CNTN4: variants seen among roughly 807,000 people sequenced by gnomAD.
CNTN4 encodes contactin 4.
A neutral mutation model predicts 122.5 loss-of-function variants in CNTN4; 77 were observed. The ratio of observed to expected loss-of-function variants is 0.63; its 90% confidence interval spans 0.52 to 0.76. The LOEUF (loss-of-function observed/expected upper bound fraction) is 0.76. CNTN4 is among the 30% of genes least tolerant of loss of function. CNTN4 has a pLI of 0.00. For synonymous variants in CNTN4, 512 were observed against 447.0 expected, an observed-to-expected ratio of 1.15 and a Z score of -1.83; for missense variants, 1,256 against 1,259.1, an observed-to-expected ratio of 1.00 and a Z score of 0.04.
At chr3:2,370,803 A>AAT (rs2045602627) in intron 3 of CNTN4, among the ~76,000 whole-genome samples, 1 of 152,160 alleles carries the variant, frequency 6.6e-6, no homozygotes, top group Non-Finnish European at 1.5e-5. Context: ...CCAGAAGGTG[A>AAT]ATATATACCA....
At chr3:2,576,995 G>A (rs545208442) in intron 4 of CNTN4, among the ~76,000 whole-genome samples, 1 of 152,256 alleles carries the variant, frequency 6.6e-6, no homozygotes, top group African/African-American at 2.4e-5. Flanking sequence ...CAGCTAAGAG[G>A]GCATGAGAAT....
chr3:2,162,211 C>G (rs1158934324), intron 2 of CNTN4, among the ~76,000 whole-genome samples: 1 of 152,132 alleles, frequency 6.6e-6, no homozygotes, highest in Non-Finnish European at 1.5e-5. Flanking sequence ...ACTTGAATTA[C>G]TCATTTTTGT....
rs17017768 is a variant in CNTN4, at chr3:2,637,518, T to C, written c.55+65960T>C. 8.8e-3 allele frequency among the ~76,000 whole-genome samples: 1,346 copies of C among 152,226 alleles called. 24 individuals are homozygous for C. Among genetic ancestry groups the C allele is most frequent in the African/African-American group, 0.031 (1,295 of 41,534 alleles). On this transcript the variant is annotated intron_variant, in intron 4 of 24. Transcript: ENST00000418658. ...AACCAGCAGAGTACACACACTTCAG[T>C]TGCTGTTCTTCAGGTTGTGCAATAC...
intron 17 of CNTN4, among the ~76,000 whole-genome samples, chr3:3,035,549 C>G (rs985791012): frequency 6.6e-6 from 1 of 151,992 alleles, no homozygotes; most frequent in Non-Finnish European, 1.5e-5. Context: ...TTATAGGGAG[C>G]CTCTTCACTT....
chr3:2,655,502 C>G (rs2083547197), intron 4 of CNTN4, among the ~76,000 whole-genome samples: 1 of 152,124 alleles, frequency 6.6e-6, no homozygotes, highest in Admixed American at 6.6e-5. Flanking sequence ...AGCATTATCT[C>G]TCATTCATCT....
rs572740693 is a variant in CNTN4 at position 2,429,639 on chromosome 3, G to C, written c.-89+90406G>C. The stretch of plus-strand genomic sequence containing the variant: ...GACAGGGACGTTTAAGTCTGCAGTA[G>C]TTTCTGCTGCCTTTTGTTCAGCTGT... On this transcript the variant is annotated intron_variant, in intron 3 of 24. Transcript: ENST00000418658. Among the ~76,000 whole-genome samples the C allele has an allele frequency of 4.6e-5, 7 of 152,310 alleles. No homozygotes were observed. In the South Asian group the frequency reaches 1.2e-3, roughly 27 times the overall value.
intron 4 of CNTN4, among the ~76,000 whole-genome samples, chr3:2,662,570 A>G (rs1323654313): frequency 6.6e-6 from 1 of 152,174 alleles, no homozygotes; most frequent in Non-Finnish European, 1.5e-5. Flanking sequence ...AGAGGCTAGG[A>G]AATGTGGGCT....
chr3:2,281,626 C>T (rs1006663102), intron 2 of CNTN4, among the ~76,000 whole-genome samples: 1 of 152,056 alleles, frequency 6.6e-6, no homozygotes, highest in Non-Finnish European at 1.5e-5. Flanking sequence ...TTTTACTTTT[C>T]CCAATTCTTG....
In CNTN4 at chr3:2,875,128, A is replaced by T. The variant is rs183047753; in HGVS notation, c.653-8017A>T. On this transcript the variant is annotated intron_variant, in intron 8 of 24. Transcript: ENST00000418658. ...CTCCCGAGTAGCTGGGATTACAGGCATGTACCACCATACCCAGCTAATTTT... is the reference window on the plus strand; with the variant it reads ...CTCCCGAGTAGCTGGGATTACAGGCTTGTACCACCATACCCAGCTAATTTT... Among the ~76,000 whole-genome samples, 594 of 152,136 alleles carry T rather than the reference A, an allele frequency of 3.9e-3. 7 individuals are homozygous for T. The highest frequency in any genetic ancestry group is 0.014 in the African/African-American group (566 of 41,518).
chr3:3,014,061 C>T (rs895380743), intron 14 of CNTN4, among the ~76,000 whole-genome samples: 1 of 151,346 alleles, frequency 6.6e-6, no homozygotes, highest in Non-Finnish European at 1.5e-5. Flanking sequence ...CACACACACA[C>T]ACACACACAC....
At chr3:2,276,295 C>G (rs147908514) in intron 2 of CNTN4, among the ~76,000 whole-genome samples, 393 of 152,112 alleles carry the variant, frequency 2.6e-3, no homozygotes, top group African/African-American at 9.0e-3. Flanking sequence ...GCCTCAGCCT[C>G]CCGAGTAGGT....
chr3:2,231,767 A>C (rs1051973312), intron 2 of CNTN4, among the ~76,000 whole-genome samples: 1 of 152,252 alleles, frequency 6.6e-6, no homozygotes, highest in Non-Finnish European at 1.5e-5. Context: ...ATTTTACTAT[A>C]GAATGAGAAG....
intron 3 of CNTN4, among the ~76,000 whole-genome samples, chr3:2,415,664 C>A (rs1026266459): frequency 1.3e-5 from 2 of 152,056 alleles, no homozygotes; most frequent in South Asian, 4.2e-4. Flanking sequence ...TTTCCTTTGC[C>A]TTTTCCTATT....
intron 4 of CNTN4, among the ~76,000 whole-genome samples, chr3:2,729,286 C>G (rs71311721): frequency 2.6e-5 from 4 of 152,010 alleles, no homozygotes; most frequent in African/African-American, 9.7e-5. Context: ...TGAAAGTGGC[C>G]GGGCGCGGTG....
chr3:2,739,687 G>A (rs943189156), intron 5 of CNTN4, among the ~76,000 whole-genome samples: 1 of 152,078 alleles, frequency 6.6e-6, no homozygotes, highest in Non-Finnish European at 1.5e-5. Flanking sequence ...AGATCAAAAG[G>A]AGAAAAACAT....
At chr3:2,692,162 T>A (rs569634065) in intron 4 of CNTN4, among the ~76,000 whole-genome samples, 4 of 152,242 alleles carry the variant, frequency 2.6e-5, no homozygotes, top group Non-Finnish European at 5.9e-5. Context: ...CAACTGGCAA[T>A]TCTATCTGCT....
At chr3:2,980,044 G>C (rs1364423588) in intron 13 of CNTN4, among the ~76,000 whole-genome samples, 1 of 152,166 alleles carries the variant, frequency 6.6e-6, no homozygotes, top group Non-Finnish European at 1.5e-5. Context: ...TGTGTCCCCA[G>C]ACTGGTTTTG....
chr3:2,639,711 A>AT (rs1293663556), intron 4 of CNTN4, among the ~76,000 whole-genome samples: 1 of 152,190 alleles, frequency 6.6e-6, no homozygotes, highest in Non-Finnish European at 1.5e-5. Flanking sequence ...TTTGGAAAAT[A>AT]TTTAACACAT....
At chr3:2,196,609 C>A (rs972935616) in intron 2 of CNTN4, among the ~76,000 whole-genome samples, 3 of 152,024 alleles carry the variant, frequency 2.0e-5, no homozygotes, top group Non-Finnish European at 4.4e-5. Flanking sequence ...GTTACTAGTA[C>A]GTACCCTATA....
Sources: allele counts gnomAD v4.1 joint callset (sites outside exome capture counted in the v4.1 genomes callset), GRCh38; gene constraint gnomAD v4.1.1; transcripts MANE v1.5; gene names NCBI Gene and HGNC (gene_info 2026-07-23, HGNC 2026-07-21).